The following RSU1 variants were observed in gnomAD, a reference collection of about 807,000 sequenced individuals.
RSU1 encodes rsu-1.
A neutral mutation model predicts 31.1 loss-of-function variants in RSU1; 26 were observed. The ratio of observed to expected loss-of-function variants is 0.84; its 90% CI spans 0.61 to 1.16. RSU1 has a LOEUF of 1.16. RSU1 is among the 50% of genes most tolerant of loss of function. The pLI, the probability that RSU1 is intolerant of heterozygous loss-of-function variation, is 0.00. For missense variants in RSU1, 320 were observed against 339.1 expected (o/e 0.94, Z 0.44); for synonymous variants, 164 against 136.3 (o/e 1.20, Z -1.41).
intron 7 of RSU1, among the ~76,000 whole-genome samples, chr10:16,708,021 G>A (rs1428949228): frequency 2.6e-5 from 4 of 151,968 alleles, no homozygotes; most frequent in African/African-American, 9.7e-5. Flanking sequence ...AAATTAGTTG[G>A]CTATAGGTAT....
At chr10:16,783,215 A>G (rs760872347) in intron 2 of RSU1, among the ~76,000 whole-genome samples, 5 of 151,390 alleles carry the variant, frequency 3.3e-5, no homozygotes, top group South Asian at 2.1e-4. Flanking sequence ...CCAGCCTCCA[A>G]TATTATTTCT....
At chr10:16,727,612 C>T (rs1427820599) in intron 7 of RSU1, among the ~76,000 whole-genome samples, 5 of 152,186 alleles carry the variant, frequency 3.3e-5, no homozygotes, top group Non-Finnish European at 4.4e-5. Flanking sequence ...TTAGGGAGAA[C>T]ATTTCGTATT....
At chr10:16,751,126 C>A (rs1836971617) in intron 7 of RSU1, among the ~76,000 whole-genome samples, 1 of 152,162 alleles carries the variant, frequency 6.6e-6, no homozygotes, top group African/African-American at 2.4e-5. Context: ...TTCGGCCTCC[C>A]AAAGTGCTGG....
At chr10:16,756,662 T>C (rs533258158) in intron 4 of RSU1, among the ~76,000 whole-genome samples, 3 of 152,378 alleles carry the variant, frequency 2.0e-5, no homozygotes, top group African/African-American at 2.4e-5. Flanking sequence ...CAACTATTTC[T>C]AGTTTTGGTA....
intron 7 of RSU1, among the ~76,000 whole-genome samples, chr10:16,708,815 CTT>C (rs74458749): frequency 1.4e-5 from 2 of 144,584 alleles, no homozygotes; most frequent in African/African-American, 2.5e-5. Flanking sequence ...TTTCTATTAT[CTT>C]TTTTTTTTTA....
intron 8 of RSU1, among the ~76,000 whole-genome samples, chr10:16,649,892 A>G (rs1256461434): frequency 1.3e-5 from 2 of 152,244 alleles, no homozygotes; most frequent in Non-Finnish European, 2.9e-5. Flanking sequence ...GTGAAAAACC[A>G]GGCCCTAACA....
intron 8 of RSU1, among the ~76,000 whole-genome samples, chr10:16,679,188 C>T (rs1211456656): frequency 6.6e-6 from 1 of 152,116 alleles, no homozygotes; most frequent in East Asian, 1.9e-4. Context: ...CCAGAATGGT[C>T]TTACTTTTCA....
chr10:16,749,481 C>T (rs137993802), intron 7 of RSU1, among the ~76,000 whole-genome samples: 122 of 152,194 alleles, frequency 8.0e-4, no homozygotes, highest in African/African-American at 2.7e-3. Flanking sequence ...AAATATACAG[C>T]GAGAGATCAT....
At chr10:16,736,255 G>A (rs1276479157) in intron 7 of RSU1, among the ~76,000 whole-genome samples, 1 of 152,160 alleles carries the variant, frequency 6.6e-6, no homozygotes, top group Non-Finnish European at 1.5e-5. Context: ...ACCAGGGAAA[G>A]ACCAACTACA....
chr10:16,766,467 C>A (rs1187128310), intron 3 of RSU1, among the ~76,000 whole-genome samples: 1 of 152,310 alleles, frequency 6.6e-6, no homozygotes, highest in African/African-American at 2.4e-5. Flanking sequence ...TGTAACCCAG[C>A]ACTTTAGGAG....
At chr10:16,805,737 G>GT (rs1191885722) in intron 2 of RSU1, among the ~76,000 whole-genome samples, 1 of 149,598 alleles carries the variant, frequency 6.7e-6, no homozygotes, top group Non-Finnish European at 1.5e-5. Context: ...TAAGACAACT[G>GT]TTTTTAGCAA....
At chr10:16,665,695 G>T (rs147554699) in intron 8 of RSU1, among the ~76,000 whole-genome samples, 28 of 152,022 alleles carry the variant, frequency 1.8e-4, no homozygotes, top group African/African-American at 6.8e-4. Context: ...TTTCCCCATG[G>T]AGATATCTTC....
At chr10:16,711,778 G>A (rs1836025189) in intron 7 of RSU1, among the ~76,000 whole-genome samples, 1 of 152,166 alleles carries the variant, frequency 6.6e-6, no homozygotes, top group Non-Finnish European at 1.5e-5. Flanking sequence ...TCTCAAATCT[G>A]TTAAGATTTG....
At chr10:16,710,212 T>A (rs562983992) in intron 7 of RSU1, among the ~76,000 whole-genome samples, 36 of 152,356 alleles carry the variant, frequency 2.4e-4, no homozygotes, top group African/African-American at 7.7e-4. Flanking sequence ...TGAGTTTTTA[T>A]GAAAGAATGT....
intron 8 of RSU1, among the ~76,000 whole-genome samples, chr10:16,632,264 G>C (rs1024458849): frequency 6.6e-6 from 1 of 152,154 alleles, no homozygotes; most frequent in African/African-American, 2.4e-5. Flanking sequence ...CGATTTACCA[G>C]ATTTAGAATT....
At chr10:16,817,213 G>C (rs1376983574) in intron 1 of RSU1, 102 bp downstream of exon 1, 2 of 642,606 alleles carry the variant, frequency 3.1e-6, no homozygotes, top group African/African-American at 1.8e-5. Context: ...GGCGTCCCAG[G>C]GGCTGGTCCG....
At chr10:16,704,562 T>C (rs1287125167) in intron 7 of RSU1, among the ~76,000 whole-genome samples, 2 of 152,234 alleles carry the variant, frequency 1.3e-5, no homozygotes, top group African/African-American at 4.8e-5. Context: ...TAATCAATAA[T>C]GTGAGATGAT....
intron 8 of RSU1, among the ~76,000 whole-genome samples, chr10:16,598,144 T>G (rs1017578600): frequency 6.6e-6 from 1 of 152,160 alleles, no homozygotes; most frequent in African/African-American, 2.4e-5. Flanking sequence ...TCCATGGCAG[T>G]GGGGACTCTG....
Position 16,810,736 on chromosome 10 carries a change from G to C in RSU1, c.109+6237C>G, listed in dbSNP as rs115985867. ...CACAGATAAAATGGTTTTTACAATA[G>C]TCATGCACCGCTTAATAATGTTTCA... On this transcript the variant is annotated intron_variant, in intron 2 of 8. Coordinates refer to ENST00000345264, the MANE Select transcript of RSU1 (RefSeq NM_012425.4). Among the ~76,000 whole-genome samples, 253 of 152,270 alleles carry C rather than the reference G, an allele frequency of 1.7e-3. 1 individual carries two copies. The highest frequency in any genetic ancestry group is 5.9e-3 in the African/African-American group (247 of 41,544).
Sources: allele counts gnomAD v4.1 joint callset (sites outside exome capture counted in the v4.1 genomes callset), GRCh38; gene constraint gnomAD v4.1.1; transcripts MANE v1.5; gene names NCBI Gene and HGNC (gene_info 2026-07-23, HGNC 2026-07-21).